Variants in SULT1E1 observed in about 807,000 individuals in gnomAD.
SULT1E1 encodes the protein sulfotransferase 1E1.
Under a neutral mutation model 33.6 loss-of-function variants are expected in SULT1E1, and 36 were observed. The observed-to-expected ratio is 1.07, with a 90% CI of 0.82 to 1.41. The LOEUF is 1.41. SULT1E1 is among the 40% of genes most tolerant of loss of function. SULT1E1 has a pLI of 0.00. For missense variants in SULT1E1, 371 were observed against 345.7 expected, an observed-to-expected ratio of 1.07 and a Z score of -0.58; for synonymous variants, 121 against 111.7, an observed-to-expected ratio of 1.08 and a Z score of -0.53.
the SULT1E1 span, among the ~76,000 whole-genome samples, chr4:69,828,819 T>C: frequency 2.0e-5 from 3 of 152,214 alleles, no homozygotes; most frequent in Admixed American, 6.5e-5. Context: ...TGACACTTTA[T>C]ATCCTGCCTT....
the SULT1E1 span, among the ~76,000 whole-genome samples, chr4:69,829,268 C>T: frequency 2.0e-5 from 3 of 152,200 alleles, no homozygotes; most frequent in Non-Finnish European, 4.4e-5. Context: ...GGGTATTCCA[C>T]AGTGACTGGC....
chr4:69,838,824 G>A (rs1910465), downstream of SULT1E1, among the ~76,000 whole-genome samples: 37,130 of 152,062 alleles, frequency 0.24, 5,643 homozygotes, highest in South Asian at 0.43. Context: ...CCACTCCAAA[G>A]TTACTCTTCC....
At chr4:69,829,375 C>T in the SULT1E1 span, among the ~76,000 whole-genome samples, 1 of 152,142 alleles carries the variant, frequency 6.6e-6, no homozygotes, top group African/African-American at 2.4e-5. Flanking sequence ...TGGACCCAAA[C>T]CAGAGTTGCT....
At chr4:69,849,651 A>C in intron 4 of SULT1E1, 88 bp from the exon 5 acceptor site, 1 of 1,219,800 alleles carries the variant, frequency 8.2e-7, no homozygotes, top group South Asian at 1.6e-5. Context: ...TTACATTTTC[A>C]AATATAAACA....
chr4:69,844,746 A>G (rs1219071887), intron 6 of SULT1E1, among the ~76,000 whole-genome samples: 1 of 152,124 alleles, frequency 6.6e-6, no homozygotes, highest in Non-Finnish European at 1.5e-5. Context: ...AATTAGTGAG[A>G]AACAAAGAAA....
chr4:69,832,189 C>T, the SULT1E1 span, among the ~76,000 whole-genome samples: 1 of 152,156 alleles, frequency 6.6e-6, no homozygotes, highest in African/African-American at 2.4e-5. Flanking sequence ...GTAACCCCTT[C>T]CAGGTTCTGT....
In SULT1E1 at chr4:69,844,317, A is replaced by T; in HGVS notation, c.616T>A (p.Leu206Met). 1 of 1,613,448 alleles carries T rather than the reference A, an allele frequency of 6.2e-7. No individual in the cohort carries two copies. Among genetic ancestry groups the T allele is most frequent in the Non-Finnish European group, 8.5e-7 (1 of 1,179,610 alleles). ...KEDIRKEVIK[L>M]IHFLERKPSE... is the part of the protein sequence containing the mutation. ...GGCTTCCTTTCCAGGAAATGTATCA[A>T]TTTTATCACCTCTTTTCTGATATCC... Residue 206 changes from leucine to methionine, a missense_variant, in exon 7 of 8, where the codon TTG becomes ATG. Coordinates refer to ENST00000226444, the MANE Select transcript of SULT1E1 (RefSeq NM_005420.3).
At position 69,851,778 on chromosome 4, in the gene SULT1E1, A is replaced by G. The variant is rs529388143; in HGVS notation, c.370-2215T>C. Among the ~76,000 whole-genome samples the G allele has an allele frequency of 4.2e-3, 642 of 152,272 alleles. 4 individuals are homozygous for G. Among genetic ancestry groups the G allele is most frequent in the Non-Finnish European group, 7.1e-3 (483 of 68,016 alleles). ...AGAAAATGTGGCACATATACAGCAT[A>G]GAATACTATGCAGCCATAAAAAAGA... is the stretch of plus-strand genomic sequence containing the variant. On this transcript the variant is annotated intron_variant, in intron 4 of 7. Coordinates refer to ENST00000226444, the MANE Select transcript of SULT1E1 (RefSeq NM_005420.3).
At chr4:69,843,879 A>T (rs1363987648) in intron 7 of SULT1E1, among the ~76,000 whole-genome samples, 1 of 152,256 alleles carries the variant, frequency 6.6e-6, no homozygotes. Flanking sequence ...TGAGGCACAT[A>T]GGCTTGGTAA....
At chr4:69,844,463 G>T in intron 6 of SULT1E1, 122 bp from the exon 7 acceptor site, 5 of 726,380 alleles carry the variant, frequency 6.9e-6, no homozygotes, top group Non-Finnish European at 1.0e-5. Context: ...GATTTCTAAT[G>T]AGAAATCTAA....
At chr4:69,838,287 TA>T (rs199699392), downstream of SULT1E1, among the ~76,000 whole-genome samples, 861 of 152,180 alleles carry the variant, frequency 5.7e-3, 7 homozygotes, top group Admixed American at 0.022. Context: ...TAATTGTTTT[TA>T]TTTTTTTTTT....
At chr4:69,829,603 C>T in the SULT1E1 span, among the ~76,000 whole-genome samples, 2 of 152,188 alleles carry the variant, frequency 1.3e-5, no homozygotes, top group Non-Finnish European at 2.9e-5. Context: ...GTTACATTCC[C>T]TTGCCACCCA....
chr4:69,843,079 G>A (rs939095089), intron 7 of SULT1E1, among the ~76,000 whole-genome samples: 16 of 151,952 alleles, frequency 1.1e-4, no homozygotes, highest in Admixed American at 3.3e-4. Context: ...CTCATGATCC[G>A]CCCGTCTCGG....
rs762134357 is a variant in SULT1E1 at position 69,841,993 on chromosome 4, C to CT, written c.885dup. The CT allele has an allele frequency of 1.3e-6, 2 of 1,552,354 alleles. No individual in the cohort carries two copies. Among genetic ancestry groups the CT allele is most frequent in the South Asian group, 2.3e-5 (2 of 85,900 alleles). ...GATATGTTAAGTAAAGAAAGACCTTCTTAGATCTCAGTTCGAAACTTCAGT... is the reference window on the plus strand; with the variant it reads ...GATATGTTAAGTAAAGAAAGACCTTCTTTAGATCTCAGTTCGAAACTTCAGT... On this transcript the variant is annotated 3_prime_UTR_variant, in exon 8 of 8. Transcript: ENST00000226444.
chr4:69,828,696 G>A, the SULT1E1 span, among the ~76,000 whole-genome samples: 1 of 152,194 alleles, frequency 6.6e-6, no homozygotes, highest in Non-Finnish European at 1.5e-5. Context: ...GGTGGTTGGA[G>A]TAGGAAGTGC....
chr4:69,822,413 C>A, the SULT1E1 span, among the ~76,000 whole-genome samples: 1 of 151,970 alleles, frequency 6.6e-6, no homozygotes, highest in Non-Finnish European at 1.5e-5. Flanking sequence ...TCTAGACCAG[C>A]CTGGGCAGCA....
At chr4:69,822,015 A>C in the SULT1E1 span, among the ~76,000 whole-genome samples, 2 of 152,222 alleles carry the variant, frequency 1.3e-5, no homozygotes, top group Non-Finnish European at 2.9e-5. Flanking sequence ...AGATTGAATA[A>C]CTTGGAAAAG....
chr4:69,842,083 G>A lies in SULT1E1; in HGVS notation c.796C>T (p.His266Tyr), dbSNP rs1720895952. The A allele has an allele frequency of 6.9e-6, 11 of 1,605,010 alleles. No homozygotes were observed. In the African/African-American group the frequency reaches 8.0e-5, roughly 12 times the overall value. Residue 266 changes from histidine (H) to tyrosine (Y), a missense_variant, in exon 8 of 8, where the codon CAC (histidine) becomes TAC (tyrosine). Coordinates refer to ENST00000226444, the MANE Select transcript of SULT1E1 (RefSeq NM_005420.3). ...RKGITGDWKN[H>Y]FTVALNEKFD... ...TTTTCATTCAGGGCTACTGTAAAGT[G>A]ATTTTTCCAGTCTCCTGTAATTCCT... is the stretch of plus-strand genomic sequence containing the variant.
At chr4:69,849,405 A>T in intron 5 of SULT1E1, 32 bp downstream of exon 5, 10 of 1,600,178 alleles carry the variant, frequency 6.2e-6, no homozygotes, top group Non-Finnish European at 7.7e-6. Context: ...AAAACCTTGA[A>T]AAAAAATTCA....
Sources: allele counts gnomAD v4.1 joint callset (sites outside exome capture counted in the v4.1 genomes callset), GRCh38; gene constraint gnomAD v4.1.1; transcripts MANE v1.5; gene names NCBI Gene and HGNC (gene_info 2026-07-23, HGNC 2026-07-21).